The following MBNL3 variants were observed in gnomAD, a reference collection of about 807,000 sequenced individuals.
The protein encoded by MBNL3 is muscleblind-like protein 3.
In MBNL3, 6 loss-of-function variants were observed where a neutral mutation model predicts 24.5. The ratio of observed to expected loss-of-function variants is 0.25; its 90% CI spans 0.13 to 0.48. MBNL3 has a LOEUF of 0.48. MBNL3 is among the 20% of genes least tolerant of loss of function. The probability of loss-of-function intolerance (pLI) is 0.99; values close to 1 mark genes in which losing one functional copy is unlikely to be tolerated. For synonymous variants in MBNL3, 100 were observed against 101.7 expected, an observed-to-expected ratio of 0.98 and a Z score of 0.10; for missense variants, 230 against 293.5, an observed-to-expected ratio of 0.78 and a Z score of 1.58.
rs1368702927 is a variant in MBNL3, at chrX:132,372,501, A to G, written c.*7165T>C. 7 of 108,145 alleles carry G rather than the reference A, an allele frequency of 6.5e-5. No homozygotes were observed. Among genetic ancestry groups the G allele is most frequent in the Non-Finnish European group, 1.3e-4 (7 of 52,234 alleles). The allele number at this position is 108,145 out of a possible 1,213,427, so 8.9% of individuals were successfully genotyped here. ...AATATTATAATATTAAAATAATATT[A>G]AAATATTAATAAATAAGTTTATTTT... is the stretch of plus-strand genomic sequence containing the variant. On this transcript the variant is annotated 3_prime_UTR_variant, in exon 9 of 9. Transcript: ENST00000370853.
At chrX:132,412,087 T>A (rs955808810) in intron 2 of MBNL3, among the ~76,000 whole-genome samples, 17 of 109,936 alleles carry the variant, frequency 1.5e-4, no homozygotes, top group Non-Finnish European at 3.0e-4. Context: ...GTTCCTAACT[T>A]TTTTTTTTCC....
intron 8 of MBNL3, among the ~76,000 whole-genome samples, chrX:132,380,525 T>C (rs145161231): frequency 1.5e-3 from 167 of 111,284 alleles, no homozygotes; most frequent in Non-Finnish European, 2.7e-3. Context: ...CCAGAACACT[T>C]AGTGTTCTAA....
chrX:132,447,310 T>C (rs139273794), intron 1 of MBNL3, among the ~76,000 whole-genome samples: 1,689 of 111,949 alleles, frequency 0.015, 25 homozygotes, highest in African/African-American at 0.052. Flanking sequence ...GGTAGCTTGA[T>C]GGGGATAGCA....
In MBNL3 at chrX:132,456,660, AAATCATTGT is replaced by A. The variant is rs1342762962; in HGVS notation, c.-703-16355_-703-16347del. 1.6e-4 allele frequency among the ~76,000 whole-genome samples: 18 copies of A among 111,856 alleles called. No homozygotes were observed. In the East Asian group the frequency reaches 4.5e-3, roughly 28 times the overall value. ...AAATTTTAATTCTAGACTTGTTACC[AAATCATTGT>A]ATTGAGTTTTTCAATATTTAAATTT... is the stretch of plus-strand genomic sequence containing the variant. On this transcript the variant is annotated intron_variant, in intron 1 of 8. Coordinates refer to ENST00000370853, the MANE Select transcript of MBNL3 (RefSeq NM_001386889.1).
chrX:132,447,862 A>G (rs1188330788), intron 1 of MBNL3, among the ~76,000 whole-genome samples: 1 of 112,169 alleles, frequency 8.9e-6, no homozygotes, highest in East Asian at 2.8e-4. Context: ...GTTTTTGACC[A>G]TTCAGTATGA....
At chrX:132,449,711 T>C in intron 1 of MBNL3, among the ~76,000 whole-genome samples, 1 of 109,929 alleles carries the variant, frequency 9.1e-6, no homozygotes, top group East Asian at 2.8e-4. Context: ...TAGCTGGTTA[T>C]TTTGCCCGTT....
At chrX:132,430,741 G>A (rs925923021) in intron 2 of MBNL3, 1 of 111,489 alleles carries the variant, frequency 9.0e-6, no homozygotes, top group Non-Finnish European at 1.9e-5. Context: ...GGCATCTGCT[G>A]GGTTTCTCCA....
chrX:132,432,717 C>A (rs946069945), intron 2 of MBNL3: 1 of 110,849 alleles, frequency 9.0e-6, no homozygotes, highest in Non-Finnish European at 1.9e-5. Context: ...ATGTATATAC[C>A]ATATTTTGTT....
At chrX:132,418,469 C>T (rs1817738282) in intron 2 of MBNL3, among the ~76,000 whole-genome samples, 2 of 111,903 alleles carry the variant, frequency 1.8e-5, no homozygotes, top group Middle Eastern at 4.6e-3. Context: ...AACCTACGTG[C>T]TCTGTGTCCA....
intron 2 of MBNL3, among the ~76,000 whole-genome samples, chrX:132,406,718 G>A (rs1017010546): frequency 2.7e-5 from 3 of 111,705 alleles, no homozygotes; most frequent in African/African-American, 9.8e-5. Context: ...TGTCAGTTCC[G>A]TGGAATCAAA....
At chrX:132,389,733 A>C in intron 5 of MBNL3, among the ~76,000 whole-genome samples, 1 of 111,536 alleles carries the variant, frequency 9.0e-6, no homozygotes. Context: ...AGCAAGCAGC[A>C]CATCAAAACA....
Position 132,384,642 on chromosome X carries a change from T to C in MBNL3, c.958+21A>G, listed in dbSNP as rs1035490657. 8 of 1,181,214 alleles carry C rather than the reference T, an allele frequency of 6.8e-6. No homozygotes were observed. The African/African-American group carries it at 7.1e-5, about 10-fold the overall frequency. On this transcript the variant is annotated intron_variant, in intron 7 of 8. Transcript: ENST00000370853. ...ATTTTTTCAGATTAGAAAATGTTGA[T>C]AATTTTTGTAGAAAACCTACCAATA...
chrX:132,449,977 G>GCCTC (rs1945985079), intron 1 of MBNL3, among the ~76,000 whole-genome samples: 1 of 25,460 alleles, frequency 3.9e-5, no homozygotes, highest in African/African-American at 1.4e-4. Context: ...GCTGAATATT[G>GCCTC]CCCCCCCCCC....
Position 132,488,927 on chromosome X carries a change from G to T in MBNL3, c.-780C>A, listed in dbSNP as rs1396196688. ...AGCAGCAGGGGCAGCGGCAGCGACAGCGGCACATGCCATCTGTTAGCGGCA... is the reference window on the plus strand; with the variant it reads ...AGCAGCAGGGGCAGCGGCAGCGACATCGGCACATGCCATCTGTTAGCGGCA... On this transcript the variant is annotated 5_prime_UTR_variant, in exon 1 of 9. The change creates a new upstream start codon in the 5' untranslated region. Coordinates refer to ENST00000370853, the MANE Select transcript of MBNL3 (RefSeq NM_001386889.1). 1 of 113,844 alleles carries T rather than the reference G, an allele frequency of 8.8e-6. No individual in the cohort carries two copies. Among genetic ancestry groups the T allele is most frequent in the Non-Finnish European group, 1.9e-5 (1 of 53,605 alleles). The allele number at this position is 113,844 out of a possible 1,213,427, so 9.4% of individuals were successfully genotyped here.
chrX:132,442,485 T>A (rs1945436735), intron 1 of MBNL3, among the ~76,000 whole-genome samples: 1 of 111,781 alleles, frequency 8.9e-6, no homozygotes, highest in South Asian at 3.7e-4. Flanking sequence ...GAGTATGATA[T>A]TCCAACCTAA....
chrX:132,469,075 T>A (rs1036841290), intron 1 of MBNL3, among the ~76,000 whole-genome samples: 2 of 112,387 alleles, frequency 1.8e-5, no homozygotes, highest in Admixed American at 9.4e-5. Flanking sequence ...AAAGTGAGCA[T>A]CTTGTTACTG....
chrX:132,409,089 CCT>C (rs1163699617), intron 2 of MBNL3, among the ~76,000 whole-genome samples: 2 of 111,872 alleles, frequency 1.8e-5, no homozygotes, highest in Non-Finnish European at 3.8e-5. Flanking sequence ...AAACTATGCC[CCT>C]GTTTTTTCAA....
intron 8 of MBNL3, 54 bp from the exon 9 acceptor site, chrX:132,379,731 T>A: frequency 9.8e-7 from 1 of 1,017,413 alleles, no homozygotes; most frequent in East Asian, 3.1e-5. Flanking sequence ...TGAAAGGTTA[T>A]TGAAGGAAGA....
chrX:132,458,502 C>T (rs756057051), intron 1 of MBNL3, among the ~76,000 whole-genome samples: 25 of 110,756 alleles, frequency 2.3e-4, no homozygotes, highest in African/African-American at 8.2e-4. Context: ...GTCCTTCTGG[C>T]GTGGGCTTTG....
Sources: allele counts gnomAD v4.1 joint callset (sites outside exome capture counted in the v4.1 genomes callset), GRCh38; gene constraint gnomAD v4.1.1; transcripts MANE v1.5; gene names NCBI Gene and HGNC (gene_info 2026-07-23, HGNC 2026-07-21).